RNF128: variants seen among roughly 807,000 people sequenced by gnomAD.
RNF128 encodes the protein ring finger protein 128.
In RNF128, 13 loss-of-function variants were observed where a neutral mutation model predicts 26.2. The ratio of observed to expected loss-of-function variants is 0.50; its 90% CI spans 0.32 to 0.79. The LOEUF (loss-of-function observed/expected upper bound fraction) is 0.79. Among genes scored for constraint, RNF128 ranks in the 30% least tolerant of loss-of-function variants. The pLI is 0.03. For synonymous variants in RNF128, 149 were observed against 142.5 expected, an observed-to-expected ratio of 1.05 and a Z score of -0.32; for missense variants, 315 against 349.7, an observed-to-expected ratio of 0.90 and a Z score of 0.79.
chrX:106,699,494 C>T (rs5962723), intron 1 of RNF128, among the ~76,000 whole-genome samples: 13,184 of 111,084 alleles, frequency 0.12, 1,936 homozygotes, highest in African/African-American at 0.41. Flanking sequence ...TACAGGCTAC[C>T]GCCAGCTCTC....
At chrX:106,738,116 A>AT (rs759471541) in intron 1 of RNF128, among the ~76,000 whole-genome samples, 1 of 111,824 alleles carries the variant, frequency 8.9e-6, no homozygotes, top group Non-Finnish European at 1.9e-5. Flanking sequence ...TCCATTTGAA[A>AT]TTGGGGGACA....
chrX:106,766,459 G>C (rs1222704279), intron 1 of RNF128, among the ~76,000 whole-genome samples: 6 of 112,055 alleles, frequency 5.4e-5, no homozygotes, highest in African/African-American at 1.9e-4. Flanking sequence ...TTTCTCTGAT[G>C]GTCAGTGATG....
chrX:106,714,032 C>T (rs1304464533), intron 1 of RNF128, among the ~76,000 whole-genome samples: 1 of 109,709 alleles, frequency 9.1e-6, no homozygotes, highest in Non-Finnish European at 1.9e-5. Context: ...AAAAATTAGT[C>T]GGGTGGTGGC....
intron 1 of RNF128, among the ~76,000 whole-genome samples, chrX:106,729,825 G>T (rs1053158637): frequency 1.8e-5 from 2 of 112,019 alleles, no homozygotes; most frequent in Non-Finnish European, 3.8e-5. Context: ...ATATTTGTTT[G>T]CAAAGTGTTA....
chrX:106,744,792 G>A (rs73531104), intron 1 of RNF128, among the ~76,000 whole-genome samples: 3,992 of 111,485 alleles, frequency 0.036, 179 homozygotes, highest in African/African-American at 0.12. Context: ...AAATTCCTCC[G>A]TGTTAATTTC....
intron 1 of RNF128, among the ~76,000 whole-genome samples, chrX:106,744,874 G>T (rs972092864): frequency 1.8e-5 from 2 of 112,045 alleles, no homozygotes; most frequent in African/African-American, 3.2e-5. Flanking sequence ...ACTTTAAAGA[G>T]TGTAAAGGGG....
intron 6 of RNF128, among the ~76,000 whole-genome samples, chrX:106,794,124 A>G (rs1204916960): frequency 4.5e-5 from 5 of 110,885 alleles, no homozygotes; most frequent in Non-Finnish European, 9.5e-5. Flanking sequence ...TAATATAAGG[A>G]AGAGCTCTTC....
At chrX:106,788,918 A>G (rs1260611324) in intron 4 of RNF128, among the ~76,000 whole-genome samples, 1 of 74,822 alleles carries the variant, frequency 1.3e-5, no homozygotes, top group African/African-American at 5.3e-5. Flanking sequence ...TATACTGAGT[A>G]TATATACTAT....
intron 2 of RNF128, among the ~76,000 whole-genome samples, chrX:106,780,424 G>A (rs1930545244): frequency 8.9e-6 from 1 of 111,853 alleles, no homozygotes; most frequent in African/African-American, 3.2e-5. Context: ...TGCAGCTTTT[G>A]ATTAGTCAGA....
At chrX:106,713,884 A>G (rs1486858167) in intron 1 of RNF128, among the ~76,000 whole-genome samples, 2 of 111,648 alleles carry the variant, frequency 1.8e-5, no homozygotes, top group Admixed American at 1.9e-4. Flanking sequence ...GTTAAGAACT[A>G]CTATAGCAAG....
chrX:106,768,651 C>G (rs1314059089), intron 1 of RNF128, among the ~76,000 whole-genome samples: 1 of 111,303 alleles, frequency 9.0e-6, no homozygotes, highest in Non-Finnish European at 1.9e-5. Context: ...TTTTGTTGAT[C>G]TTTTCAAAAA....
chrX:106,789,216 A>G (rs1221966636), intron 4 of RNF128, among the ~76,000 whole-genome samples: 2 of 94,426 alleles, frequency 2.1e-5, no homozygotes, highest in African/African-American at 7.5e-5. Flanking sequence ...TAATACATAT[A>G]TATAAATTCC....
chrX:106,695,716 T>C (rs757356572), intron 1 of RNF128, among the ~76,000 whole-genome samples: 3 of 112,113 alleles, frequency 2.7e-5, no homozygotes, highest in Admixed American at 1.9e-4. Flanking sequence ...CATTTTCTGA[T>C]AAAACTTAGG....
intron 1 of RNF128, among the ~76,000 whole-genome samples, chrX:106,762,945 A>G (rs1339851863): frequency 9.2e-6 from 1 of 109,058 alleles, no homozygotes; most frequent in African/African-American, 3.3e-5. Context: ...AATAATCTGT[A>G]CACAAACCCC....
At chrX:106,711,635 T>C (rs1481843862) in intron 1 of RNF128, among the ~76,000 whole-genome samples, 1 of 112,597 alleles carries the variant, frequency 8.9e-6, no homozygotes, top group East Asian at 2.8e-4. Flanking sequence ...AACATTTTTA[T>C]GGCTAATTCA....
intron 1 of RNF128, among the ~76,000 whole-genome samples, chrX:106,702,015 T>A (rs1416618267): frequency 9.1e-6 from 1 of 110,388 alleles, no homozygotes; most frequent in Non-Finnish European, 1.9e-5. Flanking sequence ...CTCTGAAACA[T>A]CATAAGCTTT....
At chrX:106,711,262 G>A (rs999155437) in intron 1 of RNF128, among the ~76,000 whole-genome samples, 9 of 111,805 alleles carry the variant, frequency 8.0e-5, no homozygotes, top group African/African-American at 2.6e-4. Flanking sequence ...TCTGAAATTA[G>A]TATCCACCCC....
At chrX:106,753,175 G>T (rs1177339624) in intron 1 of RNF128, among the ~76,000 whole-genome samples, 2 of 111,359 alleles carry the variant, frequency 1.8e-5, no homozygotes, top group African/African-American at 3.3e-5. Flanking sequence ...CTGTAGTTGT[G>T]GTGTGTGAAC....
intron 1 of RNF128, among the ~76,000 whole-genome samples, chrX:106,760,429 A>G (rs1930098999): frequency 8.9e-6 from 1 of 111,821 alleles, no homozygotes; most frequent in South Asian, 3.7e-4. Context: ...CAAAACTGCA[A>G]TGTGATATCA....
Sources: allele counts gnomAD v4.1 joint callset (sites outside exome capture counted in the v4.1 genomes callset), GRCh38; gene constraint gnomAD v4.1.1; transcripts MANE v1.5; gene names NCBI Gene and HGNC (gene_info 2026-07-23, HGNC 2026-07-21).